Variants in STK24 observed in about 807,000 individuals in gnomAD.
STK24 encodes serine/threonine-protein kinase 24.
A neutral mutation model predicts 55.6 loss-of-function variants in STK24; 21 were observed. That is an observed-to-expected ratio of 0.38 (90% CI 0.27 to 0.54). The LOEUF (loss-of-function observed/expected upper bound fraction) is 0.54. STK24 is among the 20% of genes least tolerant of loss of function. The probability of loss-of-function intolerance (pLI) is 0.79; values close to 1 mark genes in which losing one functional copy is unlikely to be tolerated. For synonymous variants in STK24, 200 were observed against 215.2 expected (o/e 0.93, Z 0.62); for missense variants, 383 against 538.4 (o/e 0.71, Z 2.86).
chr13:98,537,168 G>A (rs970195261), intron 1 of STK24, among the ~76,000 whole-genome samples: 8 of 152,194 alleles, frequency 5.3e-5, no homozygotes, highest in African/African-American at 1.9e-4. Flanking sequence ...ACCTCTGAAG[G>A]AGCAGGCTAC....
intron 4 of STK24, 136 bp from the exon 5 acceptor site, chr13:98,475,114 C>T (rs1243361610): frequency 7.1e-7 from 1 of 1,414,434 alleles, no homozygotes; most frequent in East Asian, 2.5e-5. Flanking sequence ...TGTCAGACCC[C>T]CTCAAAGCCA....
intron 2 of STK24, among the ~76,000 whole-genome samples, chr13:98,489,674 G>A (rs923929876): frequency 2.6e-5 from 4 of 152,196 alleles, no homozygotes; most frequent in Admixed American, 2.0e-4. Flanking sequence ...GCTCCCTGAA[G>A]GGCTGTGACC....
At chr13:98,572,611 G>GAC (rs1897771574) in intron 1 of STK24, among the ~76,000 whole-genome samples, 1 of 152,098 alleles carries the variant, frequency 6.6e-6, no homozygotes, top group African/African-American at 2.4e-5. Context: ...CTGGCCATTA[G>GAC]ACACCAGTCT....
At chr13:98,467,851 C>A (rs553505635) in intron 5 of STK24, among the ~76,000 whole-genome samples, 43 of 152,278 alleles carry the variant, frequency 2.8e-4, no homozygotes, top group African/African-American at 9.6e-4. Flanking sequence ...TGACACCAAT[C>A]CCCAAACAGG....
intron 3 of STK24, among the ~76,000 whole-genome samples, chr13:98,481,469 C>G (rs1894575836): frequency 6.6e-6 from 1 of 152,194 alleles, no homozygotes; most frequent in South Asian, 2.1e-4. Flanking sequence ...AGTGTGTGTT[C>G]CCCTTAGGCA....
chr13:98,553,973 A>C (rs1897221510), intron 1 of STK24, among the ~76,000 whole-genome samples: 1 of 151,780 alleles, frequency 6.6e-6, no homozygotes, highest in Non-Finnish European at 1.5e-5. Flanking sequence ...GAGGCAGGAG[A>C]ACTGCTTGAA....
At chr13:98,454,679 G>A (rs1416466280) in intron 10 of STK24, 2 of 152,234 alleles carry the variant, frequency 1.3e-5, no homozygotes, top group African/African-American at 2.4e-5. Flanking sequence ...GCCATCCACT[G>A]AAACAACATG....
In STK24 at chr13:98,449,234, C is replaced by T. The variant is rs1171043339; in HGVS notation, c.*3939G>A. The T allele has an allele frequency of 1.3e-5, 2 of 152,224 alleles. No individual in the cohort carries two copies. Among genetic ancestry groups the T allele is most frequent in the Admixed American group, 6.5e-5 (1 of 15,286 alleles). The allele number at this position is 152,224 out of a possible 1,614,324, so 9.4% of individuals were successfully genotyped here. On this transcript the variant is annotated 3_prime_UTR_variant, in exon 11 of 11. Coordinates refer to ENST00000539966, the MANE Select transcript of STK24 (RefSeq NM_001032296.4). ...CTATGAAATCATGGTACGTAGTCCC[C>T]GGCACCTGTCGTTATTCCTATATCC... is the stretch of plus-strand genomic sequence containing the variant.
At chr13:98,554,900 A>C (rs925328994) in intron 1 of STK24, among the ~76,000 whole-genome samples, 1 of 151,518 alleles carries the variant, frequency 6.6e-6, no homozygotes, top group African/African-American at 2.4e-5. Flanking sequence ...CTGTAATCTC[A>C]GCTACTCAGG....
chr13:98,485,423 T>G (rs1894767750), intron 2 of STK24, among the ~76,000 whole-genome samples: 1 of 149,180 alleles, frequency 6.7e-6, no homozygotes, highest in South Asian at 2.1e-4. Flanking sequence ...AGTTTATTGA[T>G]CTGAGTGGGG....
At chr13:98,567,387 A>G (rs1897613346) in intron 1 of STK24, among the ~76,000 whole-genome samples, 1 of 152,232 alleles carries the variant, frequency 6.6e-6, no homozygotes, top group Non-Finnish European at 1.5e-5. Flanking sequence ...CCTGCCAAGA[A>G]GCACATACTC....
chr13:98,458,603 C>G (rs1462272144), intron 9 of STK24, among the ~76,000 whole-genome samples: 16 of 152,212 alleles, frequency 1.1e-4, no homozygotes, highest in Non-Finnish European at 2.9e-5. Flanking sequence ...AATCACTTGA[C>G]AGTATTTACA....
At chr13:98,528,887 G>A (rs2139398984) in intron 1 of STK24, among the ~76,000 whole-genome samples, 1 of 152,264 alleles carries the variant, frequency 6.6e-6, no homozygotes, top group African/African-American at 2.4e-5. Flanking sequence ...GGAGCGGGCG[G>A]GAGGATGCTG....
chr13:98,457,096 A>G, intron 10 of STK24, 72 bp downstream of exon 10: 2 of 1,555,822 alleles, frequency 1.3e-6, no homozygotes, highest in South Asian at 1.2e-5. Context: ...TCAAGTACCA[A>G]ACTCATCAAC....
At chr13:98,492,777 A>G (rs1895090030) in intron 2 of STK24, among the ~76,000 whole-genome samples, 1 of 152,242 alleles carries the variant, frequency 6.6e-6, no homozygotes, top group South Asian at 2.1e-4. Context: ...GGATTCTCCC[A>G]ATCATCCTGT....
chr13:98,536,555 A>T (rs1566392902), intron 1 of STK24, among the ~76,000 whole-genome samples: 1 of 151,808 alleles, frequency 6.6e-6, no homozygotes, highest in Non-Finnish European at 1.5e-5. Context: ...TTTTGTAGAG[A>T]CGGGGTCTAT....
At chr13:98,465,022 A>C (rs1661992173) in intron 6 of STK24, among the ~76,000 whole-genome samples, 1 of 152,056 alleles carries the variant, frequency 6.6e-6, no homozygotes, top group African/African-American at 2.4e-5. Flanking sequence ...GACTTCACCC[A>C]TGCCCTGGGC....
At chr13:98,466,829 C>T (rs1266257037) in intron 5 of STK24, among the ~76,000 whole-genome samples, 2 of 152,070 alleles carry the variant, frequency 1.3e-5, no homozygotes, top group Non-Finnish European at 2.9e-5. Flanking sequence ...TCGGCATTCC[C>T]CGTGGAGTCC....
intron 1 of STK24, among the ~76,000 whole-genome samples, chr13:98,526,479 A>G (rs765538262): frequency 6.6e-6 from 1 of 152,124 alleles, no homozygotes; most frequent in Admixed American, 6.5e-5. Flanking sequence ...CAGAAGAGAT[A>G]TTGAGTATCT....
Sources: allele counts gnomAD v4.1 joint callset (sites outside exome capture counted in the v4.1 genomes callset), GRCh38; gene constraint gnomAD v4.1.1; transcripts MANE v1.5; gene names NCBI Gene and HGNC (gene_info 2026-07-23, HGNC 2026-07-21).